Variants in MAST4 observed in about 807,000 individuals in gnomAD.
MAST4 encodes the protein microtubule associated serine/threonine kinase family member 4, also known as microtubule-associated serine/threonine-protein kinase 4.
MAST4 carries 89 observed loss-of-function variants against 162.7 expected under a neutral mutation model. The observed-to-expected ratio is 0.55, with a 90% CI of 0.46 to 0.65. MAST4 has a LOEUF of 0.65. MAST4 is among the 30% of genes least tolerant of loss of function. The pLI, the probability that MAST4 is intolerant of heterozygous loss-of-function variation, is 0.00. For missense variants in MAST4, 3,153 were observed against 3,374.0 expected (o/e 0.93, Z 1.62); for synonymous variants, 1,479 against 1,361.1 (o/e 1.09, Z -1.91).
At chr5:66,806,692 G>A (rs1484262832) in intron 3 of MAST4, among the ~76,000 whole-genome samples, 1 of 152,166 alleles carries the variant, frequency 6.6e-6, no homozygotes, top group African/African-American at 2.4e-5. Flanking sequence ...TTCTTAAACT[G>A]GAGAAAAATC....
chr5:67,072,283 CTGTT>C (rs1761087799), intron 5 of MAST4, among the ~76,000 whole-genome samples: 1 of 152,148 alleles, frequency 6.6e-6, no homozygotes, highest in Non-Finnish European at 1.5e-5. Context: ...ATTATAAACA[CTGTT>C]AATACATCAT....
intron 5 of MAST4, among the ~76,000 whole-genome samples, chr5:67,081,098 AT>A (rs1373961754): frequency 9.3e-6 from 1 of 107,650 alleles, no homozygotes; most frequent in East Asian, 2.3e-4. Context: ...ATAATATATA[AT>A]TGTATATATT....
intron 4 of MAST4, among the ~76,000 whole-genome samples, chr5:67,033,258 T>A (rs1375329370): frequency 6.6e-6 from 1 of 150,804 alleles, no homozygotes; most frequent in East Asian, 1.9e-4. Flanking sequence ...AAAATAACAG[T>A]GAAATTTTTC....
At chr5:67,082,340 G>A (rs1438753219) in intron 5 of MAST4, among the ~76,000 whole-genome samples, 1 of 152,012 alleles carries the variant, frequency 6.6e-6, no homozygotes, top group African/African-American at 2.4e-5. Context: ...TCACCATGTT[G>A]GCCAGGATGG....
At chr5:66,875,737 C>T (rs1018006592) in intron 3 of MAST4, among the ~76,000 whole-genome samples, 22 of 152,144 alleles carry the variant, frequency 1.4e-4, no homozygotes, top group African/African-American at 5.3e-4. Flanking sequence ...TATTAAAAGT[C>T]TATACAGTTC....
intron 4 of MAST4, chr5:67,004,934 T>TA (rs397883534): frequency 2.2e-5 from 16 of 711,628 alleles, no homozygotes; most frequent in Non-Finnish European, 2.9e-5. Flanking sequence ...TCCTTTTTTT[T>TA]ACCTCTCCCC....
At chr5:67,162,530 C>A in intron 27 of MAST4, 77 bp from the exon 28 acceptor site, 2 of 1,364,970 alleles carry the variant, frequency 1.5e-6, no homozygotes, top group Non-Finnish European at 2.1e-6. Flanking sequence ...AGTTATTGAG[C>A]TGAGCACAAT....
chr5:66,623,560 A>G (rs1429710010), intron 1 of MAST4, among the ~76,000 whole-genome samples: 2 of 152,242 alleles, frequency 1.3e-5, no homozygotes, highest in African/African-American at 4.8e-5. Flanking sequence ...CAGAAAAAAT[A>G]TTTGACAAAA....
chr5:67,149,044 G>A (rs984047207), intron 23 of MAST4, among the ~76,000 whole-genome samples: 2 of 152,140 alleles, frequency 1.3e-5, no homozygotes, highest in African/African-American at 2.4e-5. Flanking sequence ...CATGGTATGG[G>A]GGGGGTAGGG....
intron 18 of MAST4, among the ~76,000 whole-genome samples, chr5:67,135,112 A>T (rs1441345868): frequency 1.3e-5 from 2 of 152,216 alleles, no homozygotes; most frequent in Non-Finnish European, 2.9e-5. Context: ...AAGTTAACAA[A>T]AATGTAATAA....
chr5:66,803,352 A>G (rs1756015698), intron 3 of MAST4, among the ~76,000 whole-genome samples: 1 of 152,208 alleles, frequency 6.6e-6, no homozygotes. Context: ...TTGTTCTTCA[A>G]GAGCATTGGC....
chr5:66,854,741 C>T (rs1185933729), intron 3 of MAST4, among the ~76,000 whole-genome samples: 1 of 152,042 alleles, frequency 6.6e-6, no homozygotes, highest in Non-Finnish European at 1.5e-5. Flanking sequence ...AAATCCCATA[C>T]TCAAGGACAG....
At chr5:67,084,801 C>T (rs575681388) in intron 5 of MAST4, among the ~76,000 whole-genome samples, 1 of 152,060 alleles carries the variant, frequency 6.6e-6, no homozygotes, top group African/African-American at 2.4e-5. Context: ...TTTTACTTAG[C>T]ATTGTTGACT....
intron 4 of MAST4, among the ~76,000 whole-genome samples, chr5:66,974,701 C>T (rs1747903218): frequency 6.6e-6 from 1 of 152,162 alleles, no homozygotes; most frequent in Non-Finnish European, 1.5e-5. Context: ...ACCATGGAAT[C>T]TAATGCTGGC....
At chr5:66,941,109 C>T (rs2150103102) in intron 4 of MAST4, among the ~76,000 whole-genome samples, 1 of 152,168 alleles carries the variant, frequency 6.6e-6, no homozygotes, top group African/African-American at 2.4e-5. Context: ...GGCTTTGTTG[C>T]TCTATGTATG....
chr5:66,597,807 C>T (rs1240267040), intron 1 of MAST4, among the ~76,000 whole-genome samples: 1 of 152,128 alleles, frequency 6.6e-6, no homozygotes, highest in Non-Finnish European at 1.5e-5. Context: ...ACTCTGGTGT[C>T]CTTCTGGCTG....
intron 4 of MAST4, among the ~76,000 whole-genome samples, chr5:67,042,536 C>T (rs1228695821): frequency 2.0e-5 from 3 of 149,574 alleles, no homozygotes; most frequent in Non-Finnish European, 4.5e-5. Context: ...TTTTTTTTTC[C>T]GCGCTTTTCA....
chr5:66,818,430 T>TA (rs776823661), intron 3 of MAST4, among the ~76,000 whole-genome samples: 38,820 of 146,282 alleles, frequency 0.27, 5,996 homozygotes, highest in Non-Finnish European at 0.36. Context: ...CCACTAAAAA[T>TA]AAAAAAAAAA....
chr5:67,165,823 A>G lies in MAST4; in HGVS notation c.6644A>G (p.Gln2215Arg). ...CACCCCGACCGGTCCCTCTCCTCTCAGAAACCAAGTGTCGGGGCCACAAAG... is the reference window on the plus strand; with the variant it reads ...CACCCCGACCGGTCCCTCTCCTCTCGGAAACCAAGTGTCGGGGCCACAAAG... ...TKHPDRSLSS[Q>R]KPSVGATKGK... is the part of the protein sequence containing the mutation. The change falls in exon 29 of 29, where the codon CAG becomes CGG. Residue 2215 changes from glutamine to arginine, a missense_variant. By Grantham distance (43) the Gln-to-Arg change is conservative. Around this residue, in one of 7 missense-constraint regions of MAST4, gnomAD observed 1,644 missense variants for 1,495.0 expected, o/e 1.10. Transcript: ENST00000403625. 6.2e-7 allele frequency: 1 copy of G among 1,612,916 alleles called. No homozygotes were observed. The highest frequency in any genetic ancestry group is 8.5e-7 in the Non-Finnish European group (1 of 1,179,788).
Sources: gnomAD v4.1 joint callset for allele counts (sites outside exome capture counted in the v4.1 genomes callset) on GRCh38, gnomAD v4.1.1 for gene constraint, gnomAD v4.1.1 regional missense constraint, MANE v1.5 for transcripts, NCBI Gene and HGNC (gene_info 2026-07-23, HGNC 2026-07-21) for gene names.